The following PDGFC variants were observed in gnomAD, a reference collection of about 807,000 sequenced individuals.
PDGFC encodes platelet derived growth factor C, also known as platelet-derived growth factor C.
In PDGFC, 12 loss-of-function variants were observed where a neutral mutation model predicts 35.5. The ratio of observed to expected loss-of-function variants is 0.34; its 90% CI spans 0.22 to 0.55. PDGFC has a LOEUF of 0.55. Among genes scored for constraint, PDGFC ranks in the 20% least tolerant of loss-of-function variants. The pLI, the probability that PDGFC is intolerant of heterozygous loss-of-function variation, is 0.91. For missense variants in PDGFC, 322 were observed against 412.4 expected, an observed-to-expected ratio of 0.78 and a Z score of 1.90; for synonymous variants, 159 against 148.8, an observed-to-expected ratio of 1.07 and a Z score of -0.50.
At chr4:156,947,604 G>A (rs1560886337) in intron 1 of PDGFC, among the ~76,000 whole-genome samples, 1 of 151,746 alleles carries the variant, frequency 6.6e-6, no homozygotes, top group East Asian at 2.0e-4. Context: ...AATGAGAGGT[G>A]GTATCACAAA....
chr4:156,780,227 C>T (rs1259033365), intron 3 of PDGFC, among the ~76,000 whole-genome samples: 4 of 149,666 alleles, frequency 2.7e-5, no homozygotes, highest in Non-Finnish European at 4.4e-5. Context: ...AACAAAGTAT[C>T]GCAGGAATTT....
At chr4:156,831,023 A>G (rs1043776909) in intron 2 of PDGFC, among the ~76,000 whole-genome samples, 3 of 152,188 alleles carry the variant, frequency 2.0e-5, no homozygotes, top group Non-Finnish European at 4.4e-5. Flanking sequence ...TCCAGAGGCC[A>G]GGGGCCCATC....
chr4:156,819,520 G>T (rs2110972423), intron 2 of PDGFC, among the ~76,000 whole-genome samples: 1 of 152,266 alleles, frequency 6.6e-6, no homozygotes, highest in African/African-American at 2.4e-5. Context: ...CTGGATGATG[G>T]CACATTTGTT....
At chr4:156,892,921 C>T (rs1020460387) in intron 1 of PDGFC, among the ~76,000 whole-genome samples, 11 of 152,120 alleles carry the variant, frequency 7.2e-5, no homozygotes, top group South Asian at 4.2e-4. Context: ...ACTTGACCTT[C>T]CTATTAAGTG....
chr4:156,786,044 A>T (rs1270124512), intron 3 of PDGFC, among the ~76,000 whole-genome samples: 1 of 152,142 alleles, frequency 6.6e-6, no homozygotes, highest in African/African-American at 2.4e-5. Context: ...CTGTGAAACT[A>T]ATCACCATTA....
At chr4:156,908,585 G>A (rs1730971092) in intron 1 of PDGFC, among the ~76,000 whole-genome samples, 1 of 152,156 alleles carries the variant, frequency 6.6e-6, no homozygotes, top group African/African-American at 2.4e-5. Context: ...GTGGCAAAAT[G>A]TTAGTAGAAC....
chr4:156,807,106 T>A (rs1469997453), intron 3 of PDGFC, among the ~76,000 whole-genome samples: 1 of 151,940 alleles, frequency 6.6e-6, no homozygotes, highest in African/African-American at 2.4e-5. Context: ...ACTGTATGTA[T>A]CATTTGGCAT....
chr4:156,865,653 C>A (rs1348280050), intron 1 of PDGFC, among the ~76,000 whole-genome samples: 3 of 152,090 alleles, frequency 2.0e-5, no homozygotes, highest in African/African-American at 7.2e-5. Context: ...TAGATTAAGA[C>A]ATTATGAACA....
Position 156,826,296 on chromosome 4 carries a change from G to A in PDGFC, c.315-15279C>T, listed in dbSNP as rs535716916. Among the ~76,000 whole-genome samples the A allele has an allele frequency of 5.5e-4, 75 of 136,292 alleles. No homozygotes were observed. The South Asian group carries it at 0.016, about 30-fold the overall frequency. The allele number at this position is 136,292 out of a possible 152,430, so 89.4% of individuals were successfully genotyped here. On this transcript the variant is annotated intron_variant, in intron 2 of 5. Coordinates refer to ENST00000502773, the MANE Select transcript of PDGFC (RefSeq NM_016205.3). The stretch of plus-strand genomic sequence containing the variant: ...CAACCTCTGCCTCCCGGGTTCAAGC[G>A]ATTCTCCTGCCTCAGCCTCCTGAGT...
intron 2 of PDGFC, among the ~76,000 whole-genome samples, chr4:156,832,344 C>T (rs1372812343): frequency 6.6e-6 from 1 of 151,388 alleles, no homozygotes; most frequent in Non-Finnish European, 1.5e-5. Context: ...ACAATCTCCG[C>T]CTCTCGGGTT....
At chr4:156,951,725 C>G (rs542027813) in intron 1 of PDGFC, among the ~76,000 whole-genome samples, 1 of 145,618 alleles carries the variant, frequency 6.9e-6, no homozygotes, top group Admixed American at 6.9e-5. Flanking sequence ...TCCACTCTAC[C>G]TTATAGAAAA....
At chr4:156,894,017 C>T (rs555214213) in intron 1 of PDGFC, among the ~76,000 whole-genome samples, 1 of 152,278 alleles carries the variant, frequency 6.6e-6, no homozygotes, top group South Asian at 2.1e-4. Flanking sequence ...TCATCCCTGA[C>T]ATCTTCCAAG....
intron 1 of PDGFC, among the ~76,000 whole-genome samples, chr4:156,937,276 A>G (rs1475405595): frequency 1.3e-5 from 2 of 152,238 alleles, no homozygotes; most frequent in African/African-American, 2.4e-5. Context: ...ATTTGAACGC[A>G]TAAAATTATG....
chr4:156,778,930 G>T (rs1730907842), intron 3 of PDGFC, among the ~76,000 whole-genome samples: 1 of 152,134 alleles, frequency 6.6e-6, no homozygotes, highest in South Asian at 2.1e-4. Flanking sequence ...ATGCAGATTA[G>T]GTTTTATTGT....
chr4:156,899,516 T>A (rs1420622339), intron 1 of PDGFC, among the ~76,000 whole-genome samples: 1 of 152,194 alleles, frequency 6.6e-6, no homozygotes, highest in African/African-American at 2.4e-5. Flanking sequence ...TAACTTTTAT[T>A]TAATAAATTA....
intron 1 of PDGFC, among the ~76,000 whole-genome samples, chr4:156,871,558 T>C (rs763434712): frequency 1.7e-4 from 26 of 152,110 alleles, no homozygotes; most frequent in Non-Finnish European, 3.2e-4. Flanking sequence ...CAACAATTTT[T>C]GCTCAATATG....
intron 3 of PDGFC, among the ~76,000 whole-genome samples, chr4:156,785,128 T>C (rs1731088188): frequency 6.6e-6 from 1 of 152,204 alleles, no homozygotes; most frequent in African/African-American, 2.4e-5. Context: ...ATATAAACTA[T>C]AAAGCAAACA....
At chr4:156,863,625 T>C (rs1729768548) in intron 1 of PDGFC, among the ~76,000 whole-genome samples, 3 of 152,174 alleles carry the variant, frequency 2.0e-5, no homozygotes, top group Admixed American at 2.0e-4. Flanking sequence ...ACCAATGAAG[T>C]AAGAGACATC....
chr4:156,915,248 G>A (rs894969364), intron 1 of PDGFC, among the ~76,000 whole-genome samples: 15 of 152,170 alleles, frequency 9.9e-5, no homozygotes, highest in South Asian at 4.2e-4. Flanking sequence ...AATACAAAGC[G>A]TTAGGGTTTC....
Sources: gnomAD v4.1 joint callset for allele counts (sites outside exome capture counted in the v4.1 genomes callset) on GRCh38, gnomAD v4.1.1 for gene constraint, MANE v1.5 for transcripts, NCBI Gene and HGNC (gene_info 2026-07-23, HGNC 2026-07-21) for gene names.